JARID2: variants seen among roughly 807,000 people sequenced by gnomAD.
The protein encoded by JARID2 is protein Jumonji.
JARID2 carries 21 observed loss-of-function variants against 125.6 expected under a neutral mutation model. The ratio of observed to expected loss-of-function variants is 0.17; its 90% CI spans 0.12 to 0.24. The LOEUF is 0.24. Ranked by LOEUF, JARID2 falls within the 10% of genes least tolerant of loss-of-function variation. The pLI is 1.00. For synonymous variants in JARID2, 736 were observed against 661.6 expected (o/e 1.11, Z -1.73); for missense variants, 1,303 against 1,639.6 (o/e 0.79, Z 3.55).
intron 7 of JARID2, among the ~76,000 whole-genome samples, chr6:15,500,301 C>T (rs549540644): frequency 4.5e-4 from 69 of 152,284 alleles, no homozygotes; most frequent in African/African-American, 1.4e-3. Context: ...TGTGTCCTCA[C>T]GCAGGTGTTG....
intron 15 of JARID2, 82 bp from the exon 16 acceptor site, chr6:15,513,157 G>A (rs183921424): frequency 1.2e-5 from 18 of 1,510,358 alleles, no homozygotes; most frequent in South Asian, 2.4e-5. Context: ...CAGGGAGGCC[G>A]GTGTGGGGTG....
At chr6:15,510,102 G>A (rs1244043254) in intron 12 of JARID2, among the ~76,000 whole-genome samples, 7 of 152,242 alleles carry the variant, frequency 4.6e-5, no homozygotes, top group Middle Eastern at 3.4e-3. Flanking sequence ...GTTGCTGCCC[G>A]CCTGGACCTG....
intron 1 of JARID2, among the ~76,000 whole-genome samples, chr6:15,348,094 G>A (rs924306323): frequency 1.4e-5 from 2 of 146,964 alleles, no homozygotes; most frequent in African/African-American, 5.0e-5. Context: ...TTTTTGTTTT[G>A]TTCTGTTTTT....
intron 1 of JARID2, among the ~76,000 whole-genome samples, chr6:15,342,916 G>A (rs1375818294): frequency 6.6e-6 from 1 of 152,136 alleles, no homozygotes; most frequent in African/African-American, 2.4e-5. Flanking sequence ...AAGTAAAATA[G>A]TGACGGTTAG....
chr6:15,445,578 C>T (rs1300936392), intron 3 of JARID2, among the ~76,000 whole-genome samples: 2 of 152,162 alleles, frequency 1.3e-5, no homozygotes, highest in African/African-American at 2.4e-5. Context: ...CGAGCTCATG[C>T]AGCTTGATCA....
At chr6:15,281,937 TGTGTG>T (rs1760767702) in intron 1 of JARID2, among the ~76,000 whole-genome samples, 2 of 151,022 alleles carry the variant, frequency 1.3e-5, no homozygotes, top group Non-Finnish European at 3.0e-5. Context: ...TGTGTGTGTG[TGTGTG>T]TGTGTGTGTG....
At chr6:15,476,681 C>G (rs1457027635) in intron 5 of JARID2, among the ~76,000 whole-genome samples, 1 of 152,238 alleles carries the variant, frequency 6.6e-6, no homozygotes, top group Non-Finnish European at 1.5e-5. Flanking sequence ...CTTCCAGCAA[C>G]TTCTATTTCA....
At chr6:15,465,843 G>A (rs1027823841) in intron 4 of JARID2, among the ~76,000 whole-genome samples, 17 of 151,172 alleles carry the variant, frequency 1.1e-4, no homozygotes, top group African/African-American at 4.9e-5. Context: ...TTGTTCTGTC[G>A]CCCAGCCTGG....
intron 4 of JARID2, among the ~76,000 whole-genome samples, chr6:15,466,624 A>G (rs1477779479): frequency 6.6e-6 from 1 of 152,158 alleles, no homozygotes; most frequent in Non-Finnish European, 1.5e-5. Flanking sequence ...AGATTTAGGG[A>G]AGAGGGATCA....
chr6:15,260,178 C>T (rs1460693024), intron 1 of JARID2, among the ~76,000 whole-genome samples: 1 of 152,142 alleles, frequency 6.6e-6, no homozygotes, highest in Non-Finnish European at 1.5e-5. Flanking sequence ...TGCAGTTTAT[C>T]ACTTTTTTCC....
chr6:15,473,249 A>G (rs1452239902), intron 5 of JARID2, among the ~76,000 whole-genome samples: 2 of 152,216 alleles, frequency 1.3e-5, no homozygotes, highest in African/African-American at 2.4e-5. Context: ...TAACTTCTGT[A>G]TAAATGAGAA....
chr6:15,322,993 T>A (rs1040310714), intron 1 of JARID2, among the ~76,000 whole-genome samples: 1 of 152,268 alleles, frequency 6.6e-6, no homozygotes, highest in Admixed American at 6.5e-5. Context: ...GAGATTGGAC[T>A]GTATGCAATT....
chr6:15,471,189 C>T lies in JARID2; in HGVS notation c.670+2471C>T, dbSNP rs185706249. On this transcript the variant is annotated intron_variant, in intron 5 of 17. Coordinates refer to ENST00000341776, the MANE Select transcript of JARID2 (RefSeq NM_004973.4). ...GGGTTGATTTGTGGAAAGGTAATAA[C>T]TTTATAATCTTTTGAGTTTGTGTTG... Among the ~76,000 whole-genome samples, 92 of 152,270 alleles carry T rather than the reference C, an allele frequency of 6.0e-4. 1 individual carries two copies. The highest frequency in any genetic ancestry group is 2.2e-3 in the African/African-American group (92 of 41,542).
intron 2 of JARID2, among the ~76,000 whole-genome samples, chr6:15,376,366 C>T (rs1764354173): frequency 6.6e-6 from 1 of 152,086 alleles, no homozygotes; most frequent in African/African-American, 2.4e-5. Context: ...TGTGGGATTT[C>T]TATAGCAGTT....
At chr6:15,456,485 ATTTG>A (rs1373674395) in intron 4 of JARID2, among the ~76,000 whole-genome samples, 7 of 152,038 alleles carry the variant, frequency 4.6e-5, no homozygotes, top group Non-Finnish European at 7.4e-5. Context: ...AGGCTTTGTT[ATTTG>A]TTTTTCTGTT....
At chr6:15,384,292 G>A (rs1257535261) in intron 2 of JARID2, among the ~76,000 whole-genome samples, 32 of 151,768 alleles carry the variant, frequency 2.1e-4, no homozygotes, top group African/African-American at 6.5e-4. Context: ...TCCCTGTGTT[G>A]TCCAGGGTGA....
chr6:15,251,969 C>T lies in JARID2; in HGVS notation c.45+5385C>T, dbSNP rs138987781. ...GGAGGTTGCAGTGAGCCGCTTGAACCTGGGAGGCGGAGGTTGCAGTGAGCT... is the reference window on the plus strand; with the variant it reads ...GGAGGTTGCAGTGAGCCGCTTGAACTTGGGAGGCGGAGGTTGCAGTGAGCT... On this transcript the variant is annotated intron_variant, in intron 1 of 17. Coordinates refer to ENST00000341776, the MANE Select transcript of JARID2 (RefSeq NM_004973.4). Among the ~76,000 whole-genome samples, 81 of 151,942 alleles carry T rather than the reference C, an allele frequency of 5.3e-4. 2 individuals carry two copies. The East Asian group carries it at 0.015, about 29-fold the overall frequency.
intron 1 of JARID2, among the ~76,000 whole-genome samples, chr6:15,347,138 A>G (rs2127476144): frequency 6.6e-6 from 1 of 152,226 alleles, no homozygotes; most frequent in South Asian, 2.1e-4. Context: ...ATGAGAACAC[A>G]TGTGAAGTAA....
At chr6:15,504,893 G>A (rs1236015146) in intron 9 of JARID2, among the ~76,000 whole-genome samples, 1 of 152,130 alleles carries the variant, frequency 6.6e-6, no homozygotes, top group Non-Finnish European at 1.5e-5. Flanking sequence ...TGCTCACCCG[G>A]CTGTTTCTCA....
Sources: allele counts gnomAD v4.1 joint callset (sites outside exome capture counted in the v4.1 genomes callset), GRCh38; gene constraint gnomAD v4.1.1; transcripts MANE v1.5; gene names NCBI Gene and HGNC (gene_info 2026-07-23, HGNC 2026-07-21).